The following ACBD6 variants were observed in gnomAD, a reference collection of about 807,000 sequenced individuals.
ACBD6 encodes the protein acyl-CoA-binding domain-containing protein 6.
A neutral mutation model predicts 37.2 loss-of-function variants in ACBD6; 28 were observed. That is an observed-to-expected ratio of 0.75 (90% CI 0.56 to 1.03). ACBD6 has a LOEUF of 1.03. Among genes scored for constraint, ACBD6 ranks in the 50% least tolerant of loss-of-function variants. The pLI is 0.00. For missense variants in ACBD6, 340 were observed against 337.4 expected (o/e 1.01, Z -0.06); for synonymous variants, 113 against 126.8 (o/e 0.89, Z 0.73).
At chr1:180,344,357 G>A (rs987545028) in intron 6 of ACBD6, among the ~76,000 whole-genome samples, 1 of 152,118 alleles carries the variant, frequency 6.6e-6, no homozygotes. Flanking sequence ...GCAATTGCAA[G>A]AGAGAAAGAG....
At chr1:180,394,250 C>T (rs76569936) in intron 6 of ACBD6, among the ~76,000 whole-genome samples, 1 of 151,820 alleles carries the variant, frequency 6.6e-6, no homozygotes, top group African/African-American at 2.4e-5. Flanking sequence ...CCCACCACTA[C>T]ATCTAATTAA....
intron 6 of ACBD6, among the ~76,000 whole-genome samples, chr1:180,339,012 AT>A (rs1479447889): frequency 6.6e-6 from 1 of 152,238 alleles, no homozygotes; most frequent in East Asian, 1.9e-4. Flanking sequence ...AATGGCAATC[AT>A]TAAAAAGTCA....
chr1:180,337,083 G>A (rs2149303978), intron 6 of ACBD6, among the ~76,000 whole-genome samples: 1 of 152,294 alleles, frequency 6.6e-6, no homozygotes, highest in East Asian at 1.9e-4. Context: ...GTACAAGGAG[G>A]AGCTGGTACC....
chr1:180,304,892 T>C (rs1327723518), intron 7 of ACBD6, among the ~76,000 whole-genome samples: 2 of 152,058 alleles, frequency 1.3e-5, no homozygotes, highest in Non-Finnish European at 2.9e-5. Context: ...ATGGTACTGG[T>C]ACCAAAACAG....
Position 180,413,464 on chromosome 1 carries a change from CT to C in ACBD6, c.474del (p.Asp159ThrfsTer16). 1 of 1,609,926 alleles carries C rather than the reference CT, an allele frequency of 6.2e-7. No individual in the cohort carries two copies. The highest frequency in any genetic ancestry group is 1.1e-5 in the South Asian group (1 of 90,990). On this transcript the variant is annotated frameshift_variant, in exon 5 of 8. Coordinates refer to ENST00000367595, the MANE Select transcript of ACBD6 (RefSeq NM_032360.4). LOFTEE classifies it high-confidence loss of function. The stretch of plus-strand genomic sequence containing the variant: ...CTGCAGTAATCAAATATATTTTTGT[CT>C]TCTTCCCTAGAATAAAAAAAAGAAA... ...SLYHEETIREEDKNIFDYCRE... is the reference protein window; with the variant it reads ...SLYHEETIREXDKNIFDYCRE...
intron 5 of ACBD6, among the ~76,000 whole-genome samples, chr1:180,398,970 C>T (rs1169747478): frequency 3.9e-5 from 6 of 152,170 alleles, no homozygotes; most frequent in African/African-American, 1.4e-4. Context: ...TTCTTTTTAT[C>T]ATTCAGACTT....
At chr1:180,486,446 G>C (rs972689838) in intron 3 of ACBD6, among the ~76,000 whole-genome samples, 2 of 152,108 alleles carry the variant, frequency 1.3e-5, no homozygotes, top group African/African-American at 4.8e-5. Context: ...AACAGTAACA[G>C]GCTAACTTAC....
intron 6 of ACBD6, among the ~76,000 whole-genome samples, chr1:180,384,185 T>G (rs1469818506): frequency 6.6e-6 from 1 of 150,894 alleles, no homozygotes. Flanking sequence ...ACTACAAAGC[T>G]TCTGCACAGC....
chr1:180,301,616 T>C (rs745420259), intron 7 of ACBD6, among the ~76,000 whole-genome samples: 2 of 152,182 alleles, frequency 1.3e-5, no homozygotes, highest in African/African-American at 2.4e-5. Context: ...CTTTTTCTTG[T>C]AATGTCATAC....
chr1:180,375,308 G>A (rs1653392310), intron 6 of ACBD6, among the ~76,000 whole-genome samples: 1 of 151,990 alleles, frequency 6.6e-6, no homozygotes, highest in African/African-American at 2.4e-5. Flanking sequence ...TAAGACAAAG[G>A]TGGCATCTCA....
At chr1:180,269,987 C>G (rs1191971568) in exon 14 of ACBD6, 6 of 152,250 alleles carry the variant, frequency 3.9e-5, no homozygotes, top group Admixed American at 3.9e-4. Context: ...GAAGGGAAGG[C>G]ACGGGTGTGT....
At chr1:180,366,617 G>T (rs1653064682) in intron 6 of ACBD6, among the ~76,000 whole-genome samples, 1 of 152,118 alleles carries the variant, frequency 6.6e-6, no homozygotes, top group Non-Finnish European at 1.5e-5. Flanking sequence ...TGTACTGTGA[G>T]CCAGCTGTTC....
rs146174364 is a variant in ACBD6 at position 180,429,880 on chromosome 1, G to A, written c.467+300C>T. Reference sequence around the variant, plus strand: ...GGGAAAGTCATTGAATGAGACAGTCGTCACTAGACACCAATGAAAAGTAAT... The same window carrying A: ...GGGAAAGTCATTGAATGAGACAGTCATCACTAGACACCAATGAAAAGTAAT... On this transcript the variant is annotated intron_variant, in intron 4 of 7. Coordinates refer to ENST00000367595, the MANE Select transcript of ACBD6 (RefSeq NM_032360.4). 3.2e-3 allele frequency among the ~76,000 whole-genome samples: 482 copies of A among 152,210 alleles called. 2 individuals are homozygous for A. The highest frequency in any genetic ancestry group is 0.011 in the African/African-American group (456 of 41,554).
intron 7 of ACBD6, among the ~76,000 whole-genome samples, chr1:180,295,171 C>CT (rs1284185185): frequency 4.0e-5 from 6 of 151,892 alleles, no homozygotes; most frequent in African/African-American, 9.7e-5. Context: ...ATTTGCCCTT[C>CT]TTTTTTTGAG....
chr1:180,345,142 C>T (rs988093599), intron 6 of ACBD6, among the ~76,000 whole-genome samples: 1 of 152,148 alleles, frequency 6.6e-6, no homozygotes, highest in African/African-American at 2.4e-5. Context: ...AAGAACAAAG[C>T]CAAACTCTTT....
chr1:180,306,392 G>T (rs1650374983), intron 7 of ACBD6, among the ~76,000 whole-genome samples: 1 of 152,110 alleles, frequency 6.6e-6, no homozygotes, highest in Admixed American at 6.5e-5. Context: ...CATGTAACTA[G>T]CACATATCAA....
chr1:180,354,554 TA>T (rs1470472209), intron 6 of ACBD6, among the ~76,000 whole-genome samples: 1 of 151,894 alleles, frequency 6.6e-6, no homozygotes, highest in East Asian at 1.9e-4. Context: ...CTGGGTCTCC[TA>T]AAAAAAAGTT....
chr1:180,274,406 G>A, intron 10 of ACBD6: 1 of 1,614,210 alleles, frequency 6.2e-7, no homozygotes, highest in Middle Eastern at 1.6e-4. Context: ...GGATTACACG[G>A]TGGACAGTAA....
intron 7 of ACBD6, among the ~76,000 whole-genome samples, chr1:180,301,709 T>C (rs1157556752): frequency 6.6e-6 from 1 of 152,150 alleles, no homozygotes; most frequent in Non-Finnish European, 1.5e-5. Context: ...TATGGTAGTG[T>C]ACTAAACACA....
Sources: allele counts gnomAD v4.1 joint callset (sites outside exome capture counted in the v4.1 genomes callset), GRCh38; gene constraint gnomAD v4.1.1; transcripts MANE v1.5; gene names NCBI Gene and HGNC (gene_info 2026-07-23, HGNC 2026-07-21).